Variants in TYW1B observed in about 807,000 individuals in gnomAD.
TYW1B encodes the protein S-adenosyl-L-methionine-dependent tRNA 4-demethylwyosine synthase TYW1B.
In TYW1B, 73 loss-of-function variants were observed where a neutral mutation model predicts 86.9. That is an observed-to-expected ratio of 0.84 (90% CI 0.70 to 1.02). The LOEUF is 1.02. Among genes scored for constraint, TYW1B ranks in the 50% least tolerant of loss-of-function variants. TYW1B has a pLI of 0.00. For synonymous variants in TYW1B, 248 were observed against 292.8 expected (o/e 0.85, Z 1.56); for missense variants, 637 against 827.4 (o/e 0.77, Z 2.82).
chr7:72,748,178 A>C (rs1447594682), intron 7 of TYW1B, among the ~76,000 whole-genome samples: 1 of 152,028 alleles, frequency 6.6e-6, no homozygotes, highest in East Asian at 1.9e-4. Flanking sequence ...CTCAGGCAGG[A>C]GAATGGCGGG....
chr7:72,589,108 C>A (rs1811339354), intron 13 of TYW1B, among the ~76,000 whole-genome samples: 1 of 152,212 alleles, frequency 6.6e-6, no homozygotes, highest in African/African-American at 2.4e-5. Flanking sequence ...CCACTGCACC[C>A]AGCTAGACTT....
At position 72,703,012 on chromosome 7, in the gene TYW1B, A is replaced by C. The variant is rs1255040969; in HGVS notation, c.1371-8190T>G. ...TATATATATATATATATATATATAT[A>C]TATATATATATATATTTTTTTTTTT... On this transcript the variant is annotated intron_variant, in intron 10 of 13. Transcript: ENST00000620995. Among the ~76,000 whole-genome samples the C allele has an allele frequency of 8.9e-4, 26 of 29,266 alleles. 1 individual carries two copies. Among genetic ancestry groups the C allele is most frequent in the African/African-American group, 1.1e-3 (9 of 8,568 alleles). The allele number at this position is 29,266 out of a possible 152,430, so 19.2% of individuals were successfully genotyped here.
intron 6 of TYW1B, among the ~76,000 whole-genome samples, chr7:72,792,489 A>C (rs186410518): frequency 6.6e-6 from 1 of 152,350 alleles, no homozygotes; most frequent in African/African-American, 2.4e-5. Context: ...AAGATTGGTA[A>C]CATCTCAGAT....
rs187319671 is a variant in TYW1B at position 72,777,737 on chromosome 7, G to A, written c.847-204C>T. On this transcript the variant is annotated intron_variant, in intron 6 of 13. Transcript: ENST00000620995. ...TCGAGACCAGCCCGGCCAACATGGC[G>A]AAACCTCATCTCTACTAAAAATACA... Among the ~76,000 whole-genome samples the A allele has an allele frequency of 5.3e-3, 806 of 152,098 alleles. 5 individuals are homozygous for A. Among genetic ancestry groups the A allele is most frequent in the Middle Eastern group, 0.02 (6 of 294 alleles).
chr7:72,760,609 G>A (rs1323159508), intron 7 of TYW1B, among the ~76,000 whole-genome samples: 2 of 152,156 alleles, frequency 1.3e-5, no homozygotes, highest in Non-Finnish European at 2.9e-5. Flanking sequence ...AAAGAGAAAG[G>A]AGTGCTCACA....
At chr7:72,672,100 A>AT (rs1270202252) in intron 11 of TYW1B, among the ~76,000 whole-genome samples, 3 of 152,104 alleles carry the variant, frequency 2.0e-5, no homozygotes, top group Non-Finnish European at 4.4e-5. Flanking sequence ...AATAAGTCTC[A>AT]TGAGAGCTGA....
Position 72,575,197 on chromosome 7 carries a change from T to G in TYW1B, c.*301A>C. The G allele has an allele frequency of 1.7e-6, 2 of 1,189,798 alleles. No homozygotes were observed. The highest frequency in any genetic ancestry group is 2.1e-6 in the Non-Finnish European group (2 of 955,976). The allele number at this position is 1,189,798 out of a possible 1,614,324, so 73.7% of individuals were successfully genotyped here. The stretch of plus-strand genomic sequence containing the variant: ...CTAGCATTCTGGCAGGTCTTAGAAG[T>G]TATAATACAAAACCATCAGTTAAAT... On this transcript the variant is annotated 3_prime_UTR_variant, in exon 14 of 14. Transcript: ENST00000620995.
intron 12 of TYW1B, among the ~76,000 whole-genome samples, chr7:72,619,134 T>C (rs1289557188): frequency 2.6e-5 from 4 of 152,148 alleles, no homozygotes; most frequent in Non-Finnish European, 4.4e-5. Flanking sequence ...CATCCCCTAA[T>C]AAAATCACTG....
intron 9 of TYW1B, among the ~76,000 whole-genome samples, chr7:72,719,978 G>A (rs1235776341): frequency 1.3e-5 from 2 of 151,982 alleles, no homozygotes; most frequent in African/African-American, 2.4e-5. Flanking sequence ...CGGGTTCTCC[G>A]TTGAGAACAG....
chr7:72,732,527 T>G (rs1188423376), intron 8 of TYW1B, among the ~76,000 whole-genome samples: 1 of 152,082 alleles, frequency 6.6e-6, no homozygotes, highest in East Asian at 1.9e-4. Flanking sequence ...AATGAGTCAA[T>G]GAAGAAAGCA....
intron 11 of TYW1B, among the ~76,000 whole-genome samples, chr7:72,661,411 GA>G (rs1364669413): frequency 5.3e-5 from 8 of 150,778 alleles, no homozygotes; most frequent in East Asian, 1.9e-4. Flanking sequence ...AGACAGGGGG[GA>G]AAAAAAAGAC....
intron 13 of TYW1B, among the ~76,000 whole-genome samples, chr7:72,578,892 C>T (rs1554429228): frequency 6.6e-6 from 1 of 152,118 alleles, no homozygotes; most frequent in Admixed American, 6.6e-5. Flanking sequence ...CTCTTCTTCC[C>T]TATTTGTGTC....
chr7:72,706,703 C>G (rs1445904160), intron 10 of TYW1B, among the ~76,000 whole-genome samples: 3 of 152,168 alleles, frequency 2.0e-5, no homozygotes, highest in African/African-American at 7.2e-5. Flanking sequence ...GCTGAAGAAA[C>G]AGCAAGACAA....
At chr7:72,664,115 A>G (rs1441013676) in intron 11 of TYW1B, among the ~76,000 whole-genome samples, 1 of 151,946 alleles carries the variant, frequency 6.6e-6, no homozygotes, top group Non-Finnish European at 1.5e-5. Context: ...GCCTTCTGTG[A>G]CCCTTCCTCC....
intron 7 of TYW1B, among the ~76,000 whole-genome samples, chr7:72,745,834 C>T (rs2129571375): frequency 7.0e-6 from 1 of 142,318 alleles, no homozygotes; most frequent in South Asian, 2.3e-4. Flanking sequence ...AATGAGTAGC[C>T]TTTACACGTG....
At chr7:72,766,384 C>A (rs1466789848) in intron 7 of TYW1B, among the ~76,000 whole-genome samples, 1 of 151,780 alleles carries the variant, frequency 6.6e-6, no homozygotes, top group African/African-American at 2.4e-5. Flanking sequence ...GAGGCCAAGG[C>A]GGGTGGATCA....
chr7:72,733,162 ACACACACACACAC>A (rs1787141788), intron 8 of TYW1B, among the ~76,000 whole-genome samples: 1 of 14,402 alleles, frequency 6.9e-5, no homozygotes, highest in Non-Finnish European at 2.7e-4. Context: ...AACCTAAAAC[ACACACACACACAC>A]ACACACACAC....
intron 9 of TYW1B, among the ~76,000 whole-genome samples, chr7:72,714,417 A>T (rs1173707831): frequency 1.3e-5 from 2 of 150,112 alleles, no homozygotes; most frequent in African/African-American, 2.5e-5. Flanking sequence ...AGGAGTTCAA[A>T]ACTAGCCTGG....
intron 7 of TYW1B, among the ~76,000 whole-genome samples, chr7:72,763,677 A>G (rs1787725749): frequency 6.6e-6 from 1 of 152,178 alleles, no homozygotes; most frequent in African/African-American, 2.4e-5. Flanking sequence ...TTTATGAGTG[A>G]CCTATGATTC....
Sources: gnomAD v4.1 joint callset for allele counts (sites outside exome capture counted in the v4.1 genomes callset) on GRCh38, gnomAD v4.1.1 for gene constraint, MANE v1.5 for transcripts, NCBI Gene and HGNC (gene_info 2026-07-23, HGNC 2026-07-21) for gene names.